Variants in KRT2 observed in about 807,000 individuals in gnomAD.
KRT2 encodes keratin 2.
Under a neutral mutation model 48.5 loss-of-function variants are expected in KRT2, and 37 were observed. That is an observed-to-expected ratio of 0.76 (90% CI 0.59 to 1.00). The LOEUF (loss-of-function observed/expected upper bound fraction) is 1.00, where lower values mean the gene tolerates loss of function less well. KRT2 is among the 50% of genes least tolerant of loss of function. The pLI is 0.00. For synonymous variants in KRT2, 324 were observed against 312.2 expected (o/e 1.04, Z -0.40); for missense variants, 880 against 815.2 (o/e 1.08, Z -0.97).
In KRT2 at chr12:52,648,155, T is replaced by C. The variant is rs371358945; in HGVS notation, c.1122+18A>G. The C allele has an allele frequency of 1.9e-6, 3 of 1,613,786 alleles. No homozygotes were observed. Among genetic ancestry groups the C allele is most frequent in the African/African-American group, 1.3e-5 (1 of 75,054 alleles). ...CATGGCAGGGAGCTGTGGCTCTTCC[T>C]ACATTCCCTCTACTTGCCTTGCTGT... On this transcript the variant is annotated intron_variant, in intron 5 of 8. Transcript: ENST00000309680.
At chr12:52,650,993 C>T (rs752455247) in intron 1 of KRT2, among the ~76,000 whole-genome samples, 1 of 152,114 alleles carries the variant, frequency 6.6e-6, no homozygotes, top group Non-Finnish European at 1.5e-5. Flanking sequence ...CTTGTAAATC[C>T]CTGCCTATTT....
Position 52,648,295 on chromosome 12 carries a change from T to C in KRT2, c.1000A>G (p.Ile334Val), listed in dbSNP as rs1221239206. 6.2e-7 allele frequency: 1 copy of C among 1,614,120 alleles called. No individual in the cohort carries two copies. ...TTGCGGCTGTTGTCCATGGAGAGGA[T>C]GACGTTGGTGTCAGTGACACTCTGA... is the stretch of plus-strand genomic sequence containing the variant. ...IHQSVTDTNV[I>V]LSMDNSRNLD... is the part of the protein sequence containing the mutation. The change falls in exon 5 of 9, where the codon ATC becomes GTC. Residue 334 changes from isoleucine (I) to valine (V), a missense_variant. Ile to Val is a conservative substitution (Grantham distance 29, BLOSUM62 3). Coordinates refer to ENST00000309680, the MANE Select transcript of KRT2 (RefSeq NM_000423.3).
At chr12:52,647,913 G>T in intron 5 of KRT2, 58 bp from the exon 6 acceptor site, 1 of 1,609,102 alleles carries the variant, frequency 6.2e-7, no homozygotes, top group South Asian at 1.1e-5. Context: ...TCACATTCCA[G>T]ACTGACTGGA....
Position 52,650,355 on chromosome 12 carries a change from C to T in KRT2, c.784G>A (p.Glu262Lys), listed in dbSNP as rs1592257025. 6.2e-7 allele frequency: 1 copy of T among 1,613,982 alleles called. No homozygotes were observed. Among genetic ancestry groups the T allele is most frequent in the Non-Finnish European group, 8.5e-7 (1 of 1,179,942 alleles). ...SELNNMQDLV[E>K]DYKKKYEDEI... is the part of the protein sequence containing the mutation. ...GCCACCTACTTCTTCTTATAATCCT[C>T]CACAAGATCCTGCATGTTATTCAGC... Residue 262 changes from glutamate to lysine, a missense_variant, in exon 2 of 9, where the codon GAG becomes AAG. Coordinates refer to ENST00000309680, the MANE Select transcript of KRT2 (RefSeq NM_000423.3).
intron 4 of KRT2, 109 bp downstream of exon 4, chr12:52,648,898 T>C: frequency 2.6e-6 from 2 of 761,026 alleles, no homozygotes; most frequent in Admixed American, 3.7e-5. Context: ...CAGATTGAAG[T>C]CAGCTGGTCC....
chr12:52,650,270 T>C (rs1941228594), intron 2 of KRT2, 69 bp downstream of exon 2: 1 of 1,358,380 alleles, frequency 7.4e-7, no homozygotes, highest in African/African-American at 1.4e-5. Flanking sequence ...GATGAATGGC[T>C]TTCCAGGGAG....
intron 3 of KRT2, among the ~76,000 whole-genome samples, chr12:52,649,524 C>T (rs1941217948): frequency 6.6e-6 from 1 of 152,228 alleles, no homozygotes; most frequent in South Asian, 2.1e-4. Flanking sequence ...AGAACCCTTG[C>T]TTTTGGCCTA....
Position 52,651,779 on chromosome 12 carries a change from G to T in KRT2, c.364C>A (p.Arg122Ser). ...CCAGGGCCCCCAAAACCTCCAAAGCGGCCTCCACCAAAGCCGCCTCCACCG... is the reference window on the plus strand; with the variant it reads ...CCAGGGCCCCCAAAACCTCCAAAGCTGCCTCCACCAAAGCCGCCTCCACCG... ...GFGGGGFGGG[R>S]FGGFGGPGGV... The change falls in exon 1 of 9, where the codon CGC (arginine) becomes AGC (serine). Residue 122 changes from arginine (R) to serine (S), a missense_variant. Physicochemically the swap from Arg to Ser is moderately radical, Grantham distance 110. Coordinates refer to ENST00000309680, the MANE Select transcript of KRT2 (RefSeq NM_000423.3). 1 of 1,611,410 alleles carries T rather than the reference G, an allele frequency of 6.2e-7. No individual in the cohort carries two copies. Among genetic ancestry groups the T allele is most frequent in the Non-Finnish European group, 8.5e-7 (1 of 1,178,442 alleles).
intron 3 of KRT2, 143 bp from the exon 4 acceptor site, chr12:52,649,245 C>A: frequency 1.4e-6 from 1 of 690,238 alleles, no homozygotes; most frequent in South Asian, 1.5e-5. Context: ...CATGGGACTT[C>A]TTTTGTCGTG....
chr12:52,652,152 G>T lies in KRT2; in HGVS notation c.-10C>A, dbSNP rs770531220. 2.0e-6 allele frequency: 3 copies of T among 1,527,236 alleles called. No homozygotes were observed. The highest frequency in any genetic ancestry group is 2.6e-6 in the Non-Finnish European group (3 of 1,137,114). 94.6% of individuals were successfully genotyped at this position (1,527,236 alleles called of 1,614,324 possible). On this transcript the variant is annotated 5_prime_UTR_variant, in exon 1 of 9. Transcript: ENST00000309680. ...AGATCTGACAACTCATGATGCCTTT[G>T]TCCAGGGAGGAAAGTCACAGGCTCT...
rs201743641 is a variant in KRT2 at position 52,645,177 on chromosome 12, C to T, written c.1762G>A (p.Gly588Arg). ...GSKGGSISGG[G>R]YGSGGGKHSS... is the part of the protein sequence containing the mutation. ...TGTTTTCCACCTCCAGAGCCATATC[C>T]TCCTCCAGAGATGGACCCTCCCTTA... Residue 588 changes from glycine to arginine, a missense_variant, in exon 9 of 9, where the codon GGA (glycine) becomes AGA (arginine). By Grantham distance (125) the Gly-to-Arg change is moderately radical. Transcript: ENST00000309680. 7 of 1,613,814 alleles carry T rather than the reference C, an allele frequency of 4.3e-6. No individual in the cohort carries two copies. In the African/African-American group the frequency reaches 9.4e-5, roughly 22 times the overall value.
At chr12:52,645,624 A>T (rs1189041640) in intron 7 of KRT2, 55 bp from the exon 8 acceptor site, 1 of 1,581,284 alleles carries the variant, frequency 6.3e-7, no homozygotes, top group Non-Finnish European at 8.7e-7. Flanking sequence ...TTCTGTATGC[A>T]TGTTGTTTTA....
chr12:52,649,779 T>G, intron 3 of KRT2, 135 bp downstream of exon 3: 1 of 741,876 alleles, frequency 1.3e-6, no homozygotes, highest in Admixed American at 1.9e-5. Context: ...TGCAAGAGAA[T>G]GTGCCATGGG....
At position 52,652,169 on chromosome 12, in the gene KRT2, A is replaced by C. The variant is rs1368289526; in HGVS notation, c.-27T>G. The C allele has an allele frequency of 1.0e-5, 15 of 1,499,418 alleles. No homozygotes were observed. Among genetic ancestry groups the C allele is most frequent in the Non-Finnish European group, 1.3e-5 (15 of 1,112,124 alleles). The allele number at this position is 1,499,418 out of a possible 1,614,324, so 92.9% of individuals were successfully genotyped here. A position where few individuals can be genotyped will look rare whatever the true frequency, so the allele number is the denominator to read the frequency against. On this transcript the variant is annotated 5_prime_UTR_variant, in exon 1 of 9. Transcript: ENST00000309680. Reference sequence around the variant, plus strand: ...ATGCCTTTGTCCAGGGAGGAAAGTCACAGGCTCTTGAGAAGAGTCAAGGCT... The same window carrying C: ...ATGCCTTTGTCCAGGGAGGAAAGTCCCAGGCTCTTGAGAAGAGTCAAGGCT...
chr12:52,650,111 A>G, intron 2 of KRT2, 137 bp from the exon 3 acceptor site: 2 of 786,936 alleles, frequency 2.5e-6, no homozygotes, highest in Non-Finnish European at 2.2e-6. Context: ...ATTGAAACTA[A>G]GATTTCCAAA....
rs372572918 is a variant in KRT2 at position 52,651,669 on chromosome 12, G to A, written c.474C>T (p.Ser158=). ...GGIHEVSVNQ[S]LLQPLNVKVD... is the part of the protein sequence containing the mutation. Reference sequence around the variant, plus strand: ...CTTTCACGTTGAGAGGCTGCAGGAGGCTCTGGTTGACAGAGACTTCGTGGA... The same window carrying A: ...CTTTCACGTTGAGAGGCTGCAGGAGACTCTGGTTGACAGAGACTTCGTGGA... Residue 158 remains serine (S), a synonymous_variant, in exon 1 of 9, where the codon AGC becomes AGT. Transcript: ENST00000309680. 1.8e-4 allele frequency: 287 copies of A among 1,613,826 alleles called. No individual in the cohort carries two copies. Among genetic ancestry groups the A allele is most frequent in the Non-Finnish European group, 2.3e-4 (277 of 1,179,902 alleles).
Position 52,652,011 on chromosome 12 carries a change from G to A in KRT2, c.132C>T (p.Ser44=), listed in dbSNP as rs372684240. ...RRSTSSFSCL[S]RHGGGGGGFG... The stretch of plus-strand genomic sequence containing the variant: ...AGCCCCCGCCACCACCACCATGGCG[G>A]CTCAAGCAGGAGAAGCTGGAAGTTG... The change falls in exon 1 of 9, where the codon AGC becomes AGT. Residue 44 remains serine, a synonymous_variant. Transcript: ENST00000309680. 3 of 1,610,604 alleles carry A rather than the reference G, an allele frequency of 1.9e-6. No individual in the cohort carries two copies. The highest frequency in any genetic ancestry group is 1.3e-5 in the African/African-American group (1 of 74,908).
chr12:52,647,730 C>G lies in KRT2; in HGVS notation c.1248G>C (p.Gln416His). 6.2e-7 allele frequency: 1 copy of G among 1,613,786 alleles called. No homozygotes were observed. Among genetic ancestry groups the G allele is most frequent in the Non-Finnish European group, 8.5e-7 (1 of 1,179,872 alleles). The change falls in exon 6 of 9, where the codon CAG (glutamine) becomes CAC (histidine). Residue 416 changes from glutamine to histidine, a missense_variant and splice_region_variant. Gln to His is a conservative substitution (Grantham distance 24). Coordinates refer to ENST00000309680, the MANE Select transcript of KRT2 (RefSeq NM_000423.3). ...LQGEIAHVKK[Q>H]CKNVQDAIAD... ...CTCGCTGGACAGGGCTGGGCCTCAC[C>G]TGCTTCTTCACATGTGCGATCTCCC...
intron 4 of KRT2, among the ~76,000 whole-genome samples, chr12:52,648,576 G>A (rs1276231535): frequency 1.3e-5 from 2 of 152,154 alleles, no homozygotes; most frequent in East Asian, 3.8e-4. Flanking sequence ...GCCAGTTATG[G>A]TAAGTGCCCC....
Sources: gnomAD v4.1 joint callset for allele counts (sites outside exome capture counted in the v4.1 genomes callset) on GRCh38, gnomAD v4.1.1 for gene constraint, MANE v1.5 for transcripts, NCBI Gene and HGNC (gene_info 2026-07-23, HGNC 2026-07-21) for gene names.